GABRB1: variants seen among roughly 807,000 people sequenced by gnomAD.
The protein encoded by GABRB1 is gamma-aminobutyric acid type A receptor subunit beta1, also known as gamma-aminobutyric acid receptor subunit beta-1.
In GABRB1, 17 loss-of-function variants were observed where a neutral mutation model predicts 51.6. The observed-to-expected ratio is 0.33, with a 90% CI of 0.23 to 0.49. GABRB1 has a LOEUF of 0.49. Ranked by LOEUF, GABRB1 falls within the 20% of genes least tolerant of loss-of-function variation. The pLI is 0.99. For synonymous variants in GABRB1, 247 were observed against 218.9 expected, an observed-to-expected ratio of 1.13 and a Z score of -1.14; for missense variants, 410 against 600.6, an observed-to-expected ratio of 0.68 and a Z score of 3.32.
chr4:47,294,641 G>T (rs1289021184), intron 4 of GABRB1, among the ~76,000 whole-genome samples: 1 of 152,250 alleles, frequency 6.6e-6, no homozygotes, highest in Non-Finnish European at 1.5e-5. Flanking sequence ...GCTCAAGGAG[G>T]CCTGTCTGCC....
At chr4:47,316,694 C>G (rs1724904367) in intron 4 of GABRB1, among the ~76,000 whole-genome samples, 1 of 151,870 alleles carries the variant, frequency 6.6e-6, no homozygotes, top group African/African-American at 2.4e-5. Flanking sequence ...TGTTCCTAAA[C>G]CATTTGCAGT....
At chr4:46,995,379 A>G (rs776920382) in intron 1 of GABRB1, among the ~76,000 whole-genome samples, 7 of 152,144 alleles carry the variant, frequency 4.6e-5, no homozygotes, top group Non-Finnish European at 8.8e-5. Flanking sequence ...ACCTTTTTAA[A>G]AAGAGAATTT....
intron 1 of GABRB1, chr4:46,994,514 CAG>C (rs139375755): frequency 4.2e-3 from 506 of 119,330 alleles, no homozygotes; most frequent in Non-Finnish European, 3.6e-3. Context: ...CAGAGAGAGA[CAG>C]AGAGAGAGAG....
intron 4 of GABRB1, among the ~76,000 whole-genome samples, chr4:47,197,477 A>G (rs965622879): frequency 3.9e-5 from 6 of 152,130 alleles, no homozygotes; most frequent in African/African-American, 1.2e-4. Context: ...GTGTTTCCTT[A>G]CTATTCACAA....
At chr4:47,110,279 A>T (rs10027905) in intron 3 of GABRB1, among the ~76,000 whole-genome samples, 2,373 of 150,044 alleles carry the variant, frequency 0.016, 53 homozygotes, top group African/African-American at 0.056. Context: ...TAAGAAGATT[A>T]AAAAAAAATA....
At chr4:47,267,010 AG>A (rs932646358) in intron 4 of GABRB1, among the ~76,000 whole-genome samples, 4 of 152,124 alleles carry the variant, frequency 2.6e-5, no homozygotes, top group African/African-American at 9.7e-5. Context: ...ATAATGGTAA[AG>A]TGATCAATTC....
At chr4:47,380,293 A>G (rs1243074265) in intron 5 of GABRB1, among the ~76,000 whole-genome samples, 2 of 152,244 alleles carry the variant, frequency 1.3e-5, no homozygotes, top group Admixed American at 6.5e-5. Context: ...TCGACAGGGA[A>G]GAAGTAGACA....
At chr4:47,186,246 C>G (rs1041644818) in intron 4 of GABRB1, among the ~76,000 whole-genome samples, 1 of 151,698 alleles carries the variant, frequency 6.6e-6, no homozygotes, top group Non-Finnish European at 1.5e-5. Flanking sequence ...CCTGATCTCT[C>G]TCTTGTAATC....
At chr4:47,299,605 G>A (rs1459890846) in intron 4 of GABRB1, among the ~76,000 whole-genome samples, 1 of 152,146 alleles carries the variant, frequency 6.6e-6, no homozygotes, top group Non-Finnish European at 1.5e-5. Context: ...TGCTGGAGAG[G>A]ATGTGGAGAA....
chr4:47,394,787 C>A (rs1278657576), intron 5 of GABRB1, among the ~76,000 whole-genome samples: 1 of 150,030 alleles, frequency 6.7e-6, no homozygotes, highest in Non-Finnish European at 1.5e-5. Context: ...CAGCACTTCC[C>A]CTTCTTCCAA....
chr4:47,411,772 T>C (rs1728768700), intron 8 of GABRB1, among the ~76,000 whole-genome samples: 1 of 152,192 alleles, frequency 6.6e-6, no homozygotes, highest in Non-Finnish European at 1.5e-5. Flanking sequence ...TCTGGGAATC[T>C]GTAATAGTTT....
intron 3 of GABRB1, among the ~76,000 whole-genome samples, chr4:47,114,965 T>C (rs1045980176): frequency 6.6e-6 from 1 of 152,184 alleles, no homozygotes; most frequent in African/African-American, 2.4e-5. Context: ...TACTAGAACT[T>C]CTCAATTCCT....
chr4:47,220,480 G>T (rs1432834248), intron 4 of GABRB1, among the ~76,000 whole-genome samples: 3 of 151,810 alleles, frequency 2.0e-5, no homozygotes, highest in Non-Finnish European at 4.4e-5. Context: ...CTCTACAAAT[G>T]GTTCCCAAAT....
At chr4:47,148,827 A>G (rs980295563) in intron 3 of GABRB1, among the ~76,000 whole-genome samples, 4 of 151,924 alleles carry the variant, frequency 2.6e-5, no homozygotes, top group Non-Finnish European at 4.4e-5. Flanking sequence ...ACATCAGAGA[A>G]AACTGGAAAA....
chr4:47,042,796 A>T (rs912628073), intron 3 of GABRB1, among the ~76,000 whole-genome samples: 6 of 151,982 alleles, frequency 3.9e-5, no homozygotes, highest in African/African-American at 1.4e-4. Flanking sequence ...CCACAAATAT[A>T]TATGCATGTA....
intron 4 of GABRB1, among the ~76,000 whole-genome samples, chr4:47,175,184 TTCTC>T (rs942454427): frequency 1.1e-4 from 16 of 151,274 alleles, no homozygotes; most frequent in South Asian, 1.0e-3. Context: ...TTTCTTTTCT[TTCTC>T]TCTCTCTCTT....
intron 5 of GABRB1, among the ~76,000 whole-genome samples, chr4:47,331,869 G>A (rs1725497770): frequency 6.6e-6 from 1 of 152,148 alleles, no homozygotes; most frequent in South Asian, 2.1e-4. Context: ...AATCTGTAGA[G>A]GTTTGAATGA....
chr4:47,290,837 A>C (rs1264328981), intron 4 of GABRB1, among the ~76,000 whole-genome samples: 1 of 152,156 alleles, frequency 6.6e-6, no homozygotes, highest in Non-Finnish European at 1.5e-5. Flanking sequence ...AAGCATTCAA[A>C]AGGTGACTTG....
In GABRB1 at chr4:47,426,241, T is replaced by C; in HGVS notation, c.*223T>C. 1 of 382,844 alleles carries C rather than the reference T, an allele frequency of 2.6e-6. No individual in the cohort carries two copies. Among genetic ancestry groups the C allele is most frequent in the African/African-American group, 2.1e-5 (1 of 48,340 alleles). The allele number at this position is 382,844 out of a possible 1,614,324, so 23.7% of individuals were successfully genotyped here. On this transcript the variant is annotated 3_prime_UTR_variant, in exon 9 of 9. Transcript: ENST00000295454. ...GTCTACCGTGGTCCAGGTTATCAGC[T>C]CTTTAAGAGCTCTATTAATTGCCAT...
Sources: gnomAD v4.1 joint callset for allele counts (sites outside exome capture counted in the v4.1 genomes callset) on GRCh38, gnomAD v4.1.1 for gene constraint, MANE v1.5 for transcripts, NCBI Gene and HGNC (gene_info 2026-07-23, HGNC 2026-07-21) for gene names.